Variants in ASB18 observed in about 807,000 individuals in gnomAD.
The protein encoded by ASB18 is ankyrin repeat and SOCS box protein 18.
ASB18 carries 33 observed loss-of-function variants against 33.4 expected under a neutral mutation model. That is an observed-to-expected ratio of 0.99 (90% CI 0.75 to 1.32). ASB18 has a LOEUF of 1.32. Ranked by LOEUF, ASB18 falls within the 40% of genes most tolerant of loss-of-function variation. The pLI is 0.00. For synonymous variants in ASB18, 295 were observed against 307.6 expected (o/e 0.96, Z 0.43); for missense variants, 694 against 655.5 (o/e 1.06, Z -0.64).
rs139214046 is a variant in ASB18 at position 236,234,005 on chromosome 2, A to G, written c.596+3684T>C. Among the ~76,000 whole-genome samples the G allele has an allele frequency of 1.2e-3, 180 of 152,348 alleles. No homozygotes were observed. The highest frequency in any genetic ancestry group is 4.2e-3 in the African/African-American group (174 of 41,578). On this transcript the variant is annotated intron_variant, in intron 3 of 5. Transcript: ENST00000409749. The surrounding 1 kb of genome is among the most constrained non-coding windows in gnomAD (Gnocchi z 4.1). ...TACCTGACTTCAAAATTTATTATAAAGTTACAATATTCAAGACAGTATGGT... is the reference window on the plus strand; with the variant it reads ...TACCTGACTTCAAAATTTATTATAAGGTTACAATATTCAAGACAGTATGGT...
At position 236,226,385 on chromosome 2, in the gene ASB18, G is replaced by GA. The variant is rs1454348309; in HGVS notation, c.596+11303dup. Reference sequence around the variant, plus strand: ...GAGTGTCAAATTAAACAGCCAAAGGGAAAGACTCCCATAGAGCGACACAGA... The same window carrying GA: ...GAGTGTCAAATTAAACAGCCAAAGGGAAAAGACTCCCATAGAGCGACACAGA... On this transcript the variant is annotated intron_variant, in intron 3 of 5. Coordinates refer to ENST00000409749, the MANE Select transcript of ASB18 (RefSeq NM_212556.4). The surrounding 1 kb of genome is among the most constrained non-coding windows in gnomAD (Gnocchi z 4.8). Among the ~76,000 whole-genome samples, 7 of 151,994 alleles carry GA rather than the reference G, an allele frequency of 4.6e-5. No homozygotes were observed. Among genetic ancestry groups the GA allele is most frequent in the African/African-American group, 1.7e-4 (7 of 41,384 alleles).
rs1316978899 is a variant in ASB18, at chr2:236,225,906, T to C, written c.597-11040A>G. Among the ~76,000 whole-genome samples, 1 of 152,080 alleles carries C rather than the reference T, an allele frequency of 6.6e-6. No individual in the cohort carries two copies. Among genetic ancestry groups the C allele is most frequent in the Non-Finnish European group, 1.5e-5 (1 of 68,012 alleles). ...TGGAGCAGAACGGGGTCCCTAGGTGTGGAGACCATTGTCATCAAGAGTCAG... is the reference window on the plus strand; with the variant it reads ...TGGAGCAGAACGGGGTCCCTAGGTGCGGAGACCATTGTCATCAAGAGTCAG... On this transcript the variant is annotated intron_variant, in intron 3 of 5. Coordinates refer to ENST00000409749, the MANE Select transcript of ASB18 (RefSeq NM_212556.4). This position sits in a 1 kb window ranked among gnomAD's most constrained non-coding sequence, Gnocchi z 5.1.
In ASB18 at chr2:236,214,238, A is replaced by T; in HGVS notation, c.1101+124T>A. The T allele has an allele frequency of 9.8e-7, 1 of 1,024,700 alleles. No individual in the cohort carries two copies. Among genetic ancestry groups the T allele is most frequent in the Non-Finnish European group, 1.4e-6 (1 of 735,696 alleles). The allele number at this position is 1,024,700 out of a possible 1,614,324, so 63.5% of individuals were successfully genotyped here. A position where few individuals can be genotyped will look rare whatever the true frequency, so the allele number is the denominator to read the frequency against. On this transcript the variant is annotated intron_variant, in intron 4 of 5. Transcript: ENST00000409749. The surrounding 1 kb of genome is among the most constrained non-coding windows in gnomAD (Gnocchi z 6.5). ...CCGGCAGAGCAGATTCTGCATTTTC[A>T]CAAGTCCCCAGGGGTGCCTGGGCCA...
intron 1 of ASB18, among the ~76,000 whole-genome samples, chr2:236,242,680 G>C (rs1408380466): frequency 6.6e-6 from 1 of 151,472 alleles, no homozygotes; most frequent in East Asian, 2.0e-4. Context: ...TGGCCAGGCT[G>C]GTCTCAAACT....
rs1014364384 is a variant in ASB18, at chr2:236,252,989, T to C, written c.205+11152A>G. On this transcript the variant is annotated intron_variant, in intron 1 of 5. Transcript: ENST00000409749. The surrounding 1 kb of genome is among the most constrained non-coding windows in gnomAD (Gnocchi z 7.9). ...TTTTGGCCCCATGCAGGGAAAACTGTGACAGGTCATCTCTGTTCCAGAGCT... is the reference window on the plus strand; with the variant it reads ...TTTTGGCCCCATGCAGGGAAAACTGCGACAGGTCATCTCTGTTCCAGAGCT... Among the ~76,000 whole-genome samples, 8 of 152,184 alleles carry C rather than the reference T, an allele frequency of 5.3e-5. No homozygotes were observed. Among genetic ancestry groups the C allele is most frequent in the African/African-American group, 1.9e-4 (8 of 41,450 alleles).
At position 236,220,465 on chromosome 2, in the gene ASB18, C is replaced by A. The variant is rs1162201033; in HGVS notation, c.597-5599G>T. On this transcript the variant is annotated intron_variant, in intron 3 of 5. Transcript: ENST00000409749. The surrounding 1 kb of genome is among the most constrained non-coding windows in gnomAD (Gnocchi z 5.1). ...TCTCTCGTCTCCCCTGCCTCCTGAT[C>A]ACCCTCTTTATTCAAAGCCCTGGAA... 2.0e-5 allele frequency among the ~76,000 whole-genome samples: 3 copies of A among 152,150 alleles called. No homozygotes were observed. The highest frequency in any genetic ancestry group is 2.9e-5 in the Non-Finnish European group (2 of 68,036).
intron 4 of ASB18, among the ~76,000 whole-genome samples, chr2:236,202,794 A>ATATAT (rs1553599230): frequency 4.2e-5 from 5 of 117,694 alleles, no homozygotes; most frequent in African/African-American, 1.1e-4. Flanking sequence ...AAAAAAAAAA[A>ATATAT]ATATATATAT....
In ASB18 at chr2:236,225,275, C is replaced by G. The variant is rs2060531771; in HGVS notation, c.597-10409G>C. ...TAGCTGAGACTACAGTTGTGTGCCA[C>G]CATGCCTTGCTAATTTTTGCAGAGA... On this transcript the variant is annotated intron_variant, in intron 3 of 5. Transcript: ENST00000409749. The surrounding 1 kb of genome is among the most constrained non-coding windows in gnomAD (Gnocchi z 5.1). Among the ~76,000 whole-genome samples the G allele has an allele frequency of 6.6e-6, 1 of 152,074 alleles. No homozygotes were observed. The highest frequency in any genetic ancestry group is 2.1e-4 in the South Asian group (1 of 4,820).
rs1442298793 is a variant in ASB18, at chr2:236,204,642, C to T, written c.1102-8257G>A. Among the ~76,000 whole-genome samples, 8 of 152,214 alleles carry T rather than the reference C, an allele frequency of 5.3e-5. No homozygotes were observed. The highest frequency in any genetic ancestry group is 9.6e-5 in the African/African-American group (4 of 41,466). On this transcript the variant is annotated intron_variant, in intron 4 of 5. Transcript: ENST00000409749. The surrounding 1 kb of genome is among the most constrained non-coding windows in gnomAD (Gnocchi z 5.1). The stretch of plus-strand genomic sequence containing the variant: ...CTGGCTGTATCCCACACTCAACATA[C>T]CAAAAACTGAACTCCCTTGTTCACC...
In ASB18 at chr2:236,208,087, G is replaced by A. The variant is rs1030740469; in HGVS notation, c.1101+6275C>T. Among the ~76,000 whole-genome samples, 5 of 151,700 alleles carry A rather than the reference G, an allele frequency of 3.3e-5. No homozygotes were observed. Among genetic ancestry groups the A allele is most frequent in the Non-Finnish European group, 4.4e-5 (3 of 67,900 alleles). The stretch of plus-strand genomic sequence containing the variant: ...CTATTATCGGTGGTCCCCTCCCCAT[G>A]CCCAATTATTTTTGTTCTCATCCAT... On this transcript the variant is annotated intron_variant, in intron 4 of 5. Coordinates refer to ENST00000409749, the MANE Select transcript of ASB18 (RefSeq NM_212556.4). This position sits in a 1 kb window ranked among gnomAD's most constrained non-coding sequence, Gnocchi z 7.7.
chr2:236,224,946 C>T (rs1482722324), intron 3 of ASB18, among the ~76,000 whole-genome samples: 1 of 152,096 alleles, frequency 6.6e-6, no homozygotes, highest in Non-Finnish European at 1.5e-5. Context: ...CAATCAGTCA[C>T]TCACCTGGGA....
intron 4 of ASB18, among the ~76,000 whole-genome samples, chr2:236,197,313 T>C (rs2106261665): frequency 6.6e-6 from 1 of 152,322 alleles, no homozygotes; most frequent in East Asian, 1.9e-4. Context: ...AAATAATTTG[T>C]TTGTTTGAAT....
In ASB18 at chr2:236,208,702, C is replaced by T. The variant is rs2060445362; in HGVS notation, c.1101+5660G>A. 6.6e-6 allele frequency among the ~76,000 whole-genome samples: 1 copy of T among 152,156 alleles called. No individual in the cohort carries two copies. Among genetic ancestry groups the T allele is most frequent in the African/African-American group, 2.4e-5 (1 of 41,434 alleles). ...ATTTTCTGTCTCTCCTCTGTTCCACCTCTCTGGGGCTCCCTGCCCCTCCCC... is the reference window on the plus strand; with the variant it reads ...ATTTTCTGTCTCTCCTCTGTTCCACTTCTCTGGGGCTCCCTGCCCCTCCCC... On this transcript the variant is annotated intron_variant, in intron 4 of 5. Coordinates refer to ENST00000409749, the MANE Select transcript of ASB18 (RefSeq NM_212556.4). This position sits in a 1 kb window ranked among gnomAD's most constrained non-coding sequence, Gnocchi z 7.7.
chr2:236,224,640 T>A (rs1447222289), intron 3 of ASB18, among the ~76,000 whole-genome samples: 1 of 152,236 alleles, frequency 6.6e-6, no homozygotes, highest in African/African-American at 2.4e-5. Flanking sequence ...GCTCTACTGG[T>A]TTCCGTTCTG....
intron 2 of ASB18, among the ~76,000 whole-genome samples, chr2:236,240,539 C>G (rs1306725861): frequency 6.6e-6 from 1 of 152,222 alleles, no homozygotes; most frequent in Non-Finnish European, 1.5e-5. Context: ...TATGTTGCAT[C>G]TGAGCTGGTG....
Position 236,195,144 on chromosome 2 carries a change from C to T in ASB18, c.1216-87G>A, listed in dbSNP as rs115740868. ...TTAGCCAGACCACTGATGGTACAAG[C>T]GGGCTTTTCTATGGCTAACTGATCC... On this transcript the variant is annotated intron_variant, in intron 5 of 5. Transcript: ENST00000409749. This position sits in a 1 kb window ranked among gnomAD's most constrained non-coding sequence, Gnocchi z 5.5. The T allele has an allele frequency of 6.1e-4, 795 of 1,302,578 alleles. 6 individuals are homozygous for T. In the African/African-American group the frequency reaches 9.8e-3, roughly 16 times the overall value. The allele number at this position is 1,302,578 out of a possible 1,614,324, so 80.7% of individuals were successfully genotyped here. A position where few individuals can be genotyped will look rare whatever the true frequency, so the allele number is the denominator to read the frequency against.
In ASB18 at chr2:236,214,736, C is replaced by G; in HGVS notation, c.727G>C (p.Ala243Pro). 1 of 1,165,190 alleles carries G rather than the reference C, an allele frequency of 8.6e-7. No homozygotes were observed. The highest frequency in any genetic ancestry group is 4.1e-5 in the East Asian group (1 of 24,442). The allele number at this position is 1,165,190 out of a possible 1,614,324, so 72.2% of individuals were successfully genotyped here. A position where few individuals can be genotyped will look rare whatever the true frequency, so the allele number is the denominator to read the frequency against. Residue 243 changes from alanine (A) to proline (P), a missense_variant, in exon 4 of 6, where the codon GCG becomes CCG. Ala to Pro is a conservative substitution (Grantham distance 27, BLOSUM62 -1). Transcript: ENST00000409749. This position sits in a 1 kb window ranked among gnomAD's most constrained non-coding sequence, Gnocchi z 6.5. ...EHARLYLGRG[A>P]HVDARNGRGE... ...CGGCCGTTCCTCGCGTCCACGTGCG[C>G]CCCGCGGCCCAGGTACAGGCGCGCG...
chr2:236,218,411 T>C (rs1576399980), intron 3 of ASB18, among the ~76,000 whole-genome samples: 1 of 152,264 alleles, frequency 6.6e-6, no homozygotes, highest in South Asian at 2.1e-4. Flanking sequence ...TGGAAATACA[T>C]TTGCAGTGGA....
rs1194514013 is a variant in ASB18, at chr2:236,234,639, C to T, written c.596+3050G>A. Reference sequence around the variant, plus strand: ...GCATATATAGTCCATTCATTTTTGACAAAGGTGCAAAGACCGTTTGGTGGA... The same window carrying T: ...GCATATATAGTCCATTCATTTTTGATAAAGGTGCAAAGACCGTTTGGTGGA... On this transcript the variant is annotated intron_variant, in intron 3 of 5. Transcript: ENST00000409749. This position sits in a 1 kb window ranked among gnomAD's most constrained non-coding sequence, Gnocchi z 4.1. Among the ~76,000 whole-genome samples, 1 of 152,132 alleles carries T rather than the reference C, an allele frequency of 6.6e-6. No homozygotes were observed. Among genetic ancestry groups the T allele is most frequent in the African/African-American group, 2.4e-5 (1 of 41,432 alleles).
Sources: allele counts gnomAD v4.1 joint callset (sites outside exome capture counted in the v4.1 genomes callset), GRCh38; gene constraint gnomAD v4.1.1; non-coding constraint Gnocchi (gnomAD v3.1); transcripts MANE v1.5; gene names NCBI Gene and HGNC (gene_info 2026-07-23, HGNC 2026-07-21).